Variants in FKBP3 observed in about 807,000 individuals in gnomAD.
The protein encoded by FKBP3 is FKBP prolyl isomerase 3, also known as peptidyl-prolyl cis-trans isomerase FKBP3.
Under a neutral mutation model 30.6 loss-of-function variants are expected in FKBP3, and 21 were observed. That is an observed-to-expected ratio of 0.69 (90% CI 0.49 to 0.99). The LOEUF is 0.99. Among genes scored for constraint, FKBP3 ranks in the 50% least tolerant of loss-of-function variants. The pLI, the probability that FKBP3 is intolerant of heterozygous loss-of-function variation, is 0.00. For synonymous variants in FKBP3, 82 were observed against 91.3 expected (o/e 0.90, Z 0.58); for missense variants, 283 against 261.6 (o/e 1.08, Z -0.56).
At chr14:45,117,523 A>AG (rs1884877222) in intron 6 of FKBP3, among the ~76,000 whole-genome samples, 1 of 152,072 alleles carries the variant, frequency 6.6e-6, no homozygotes, top group African/African-American at 2.4e-5. Context: ...ATCAGTGAGT[A>AG]TTGTCATTAG....
chr14:45,129,949 A>G, intron 2 of FKBP3, 48 bp from the exon 3 acceptor site: 1 of 1,161,312 alleles, frequency 8.6e-7, no homozygotes, highest in Non-Finnish European at 1.2e-6. Context: ...GCTAAAACCA[A>G]GAAGCAACAT....
intron 3 of FKBP3, among the ~76,000 whole-genome samples, chr14:45,127,856 C>T (rs943565883): frequency 3.3e-5 from 5 of 151,802 alleles, no homozygotes; most frequent in Non-Finnish European, 7.4e-5. Context: ...GGCCTTGCTT[C>T]GAATGCTTGA....
chr14:45,118,888 C>T (rs1884918208), intron 5 of FKBP3, among the ~76,000 whole-genome samples: 1 of 152,002 alleles, frequency 6.6e-6, no homozygotes, highest in Non-Finnish European at 1.5e-5. Flanking sequence ...TGGAGTTTCG[C>T]TCTTGTTGCC....
chr14:45,127,679 ACGGGG>A (rs1885131113), intron 3 of FKBP3, among the ~76,000 whole-genome samples: 1 of 152,134 alleles, frequency 6.6e-6, no homozygotes, highest in Non-Finnish European at 1.5e-5. Context: ...ACCATACTGA[ACGGGG>A]CAATTCTAGA....
intron 1 of FKBP3, 70 bp downstream of exon 1, chr14:45,134,279 T>C (rs976597992): frequency 1.4e-5 from 17 of 1,223,278 alleles, no homozygotes; most frequent in Non-Finnish European, 1.8e-5. Context: ...ATACGGAATG[T>C]ATGGGCATCT....
In FKBP3 at chr14:45,116,296, C is replaced by G. The variant is rs375258965; in HGVS notation, c.621-44G>C. ...TACATTTGATAAAAAGTGCCTCTCC[C>G]CTACCCCCATAACCTTAGTGTAGGA... On this transcript the variant is annotated intron_variant, in intron 6 of 6. Transcript: ENST00000396062. 56 of 1,431,452 alleles carry G rather than the reference C, an allele frequency of 3.9e-5. No individual in the cohort carries two copies. The African/African-American group carries it at 7.7e-4, about 20-fold the overall frequency. The allele number at this position is 1,431,452 out of a possible 1,614,324, so 88.7% of individuals were successfully genotyped here.
Position 45,129,849 on chromosome 14 carries a change from A to T in FKBP3, c.263T>A (p.Val88Glu), listed in dbSNP as rs772926463. Residue 88 changes from valine (V) to glutamate (E), a missense_variant, in exon 3 of 7, where the codon GTG (valine) becomes GAG (glutamate). By Grantham distance (121) the Val-to-Glu change is moderately radical. Coordinates refer to ENST00000396062, the MANE Select transcript of FKBP3 (RefSeq NM_002013.4). ...TTTGGGTTTATCTTCATTAAGCTTC[A>T]CATTTTTTACTTGCTCAGACACTTT... ...ISKVSEQVKN[V>E]KLNEDKPKET... The T allele has an allele frequency of 6.2e-7, 1 of 1,613,054 alleles. No homozygotes were observed.
chr14:45,120,954 C>G lies in FKBP3; in HGVS notation c.455G>C (p.Ser152Thr). 6.2e-7 allele frequency: 1 copy of G among 1,611,772 alleles called. No homozygotes were observed. Among genetic ancestry groups the G allele is most frequent in the East Asian group, 2.2e-5 (1 of 44,782 alleles). ...CTTGGCATTTTTCTTCTTCTTTGCACCTGTAAAACAGATTTTCCTTATCAT... is the reference window on the plus strand; with the variant it reads ...CTTGGCATTTTTCTTCTTCTTTGCAGCTGTAAAACAGATTTTCCTTATCAT... ...GTVFDTNIQT[S>T]AKKKKNAKPL... is the part of the protein sequence containing the mutation. The change falls in exon 5 of 7, where the codon AGT becomes ACT. Residue 152 changes from serine to threonine, a missense_variant and splice_region_variant. By Grantham distance (58) the Ser-to-Thr change is moderately conservative. Coordinates refer to ENST00000396062, the MANE Select transcript of FKBP3 (RefSeq NM_002013.4).
chr14:45,121,548 C>A lies in FKBP3; in HGVS notation c.391G>T (p.Val131Phe). 1 of 1,613,716 alleles carries A rather than the reference C, an allele frequency of 6.2e-7. No homozygotes were observed. Among genetic ancestry groups the A allele is most frequent in the Non-Finnish European group, 8.5e-7 (1 of 1,179,736 alleles). ...AGTGTTCCTGTATACCAGCAGTGAA[C>A]AACATCTCCCTTTTTGGGAAAGTTG... ...KTNFPKKGDV[V>F]HCWYTGTLQD... is the part of the protein sequence containing the mutation. The change falls in exon 4 of 7, where the codon GTT (valine) becomes TTT (phenylalanine). Residue 131 changes from valine to phenylalanine, a missense_variant. Physicochemically the swap from Val to Phe is conservative, Grantham distance 50. Coordinates refer to ENST00000396062, the MANE Select transcript of FKBP3 (RefSeq NM_002013.4).
chr14:45,119,394 T>C (rs1884930535), intron 5 of FKBP3, among the ~76,000 whole-genome samples: 1 of 151,962 alleles, frequency 6.6e-6, no homozygotes, highest in Admixed American at 6.6e-5. Flanking sequence ...ACCAACATGA[T>C]GAAACCCCAT....
At chr14:45,127,428 T>C (rs1203201936) in intron 3 of FKBP3, among the ~76,000 whole-genome samples, 1 of 152,032 alleles carries the variant, frequency 6.6e-6, no homozygotes. Context: ...CAACCGACCC[T>C]GTCTTAAAAA....
intron 6 of FKBP3, 27 bp from the exon 7 acceptor site, chr14:45,116,279 A>AT (rs1412495965): frequency 6.3e-7 from 1 of 1,587,888 alleles, no homozygotes; most frequent in East Asian, 2.2e-5. Context: ...GGTACATTTG[A>AT]TAAAAAGTGC....
At chr14:45,130,851 T>C (rs1182973079) in intron 1 of FKBP3, 51 bp from the exon 2 acceptor site, 2 of 1,067,752 alleles carry the variant, frequency 1.9e-6, no homozygotes, top group Non-Finnish European at 2.8e-6. Context: ...GAGTAAGAAG[T>C]GTCTAAAATT....
intron 6 of FKBP3, among the ~76,000 whole-genome samples, chr14:45,116,674 A>AG (rs1884847631): frequency 1.3e-5 from 2 of 151,804 alleles, no homozygotes; most frequent in Non-Finnish European, 2.9e-5. Context: ...TGGCCAACAC[A>AG]GTGAAACCCT....
intron 5 of FKBP3, among the ~76,000 whole-genome samples, 165 bp from the exon 6 acceptor site, chr14:45,118,290 C>A (rs748472704): frequency 6.6e-6 from 1 of 152,066 alleles, no homozygotes; most frequent in Non-Finnish European, 1.5e-5. Flanking sequence ...AAATCTTTGT[C>A]TTCCATTTCT....
intron 3 of FKBP3, among the ~76,000 whole-genome samples, chr14:45,124,147 A>G (rs996928323): frequency 2.6e-5 from 4 of 152,164 alleles, no homozygotes; most frequent in East Asian, 1.9e-4. Flanking sequence ...ATCTTAATCT[A>G]TCCCTCCCTG....
At position 45,118,023 on chromosome 14, in the gene FKBP3, G is replaced by T; in HGVS notation, c.620+5C>A. On this transcript the variant is annotated splice_donor_5th_base_variant and intron_variant, in intron 6 of 6. Transcript: ENST00000396062. Reference sequence around the variant, plus strand: ...ACTTTAATTATGAAGGGGAAAAAAGGATACTTGGCATCAGGCTGTCCTTTC... The same window carrying T: ...ACTTTAATTATGAAGGGGAAAAAAGTATACTTGGCATCAGGCTGTCCTTTC... 1.3e-6 allele frequency: 2 copies of T among 1,572,946 alleles called. No homozygotes were observed. The highest frequency in any genetic ancestry group is 8.6e-7 in the Non-Finnish European group (1 of 1,158,274).
chr14:45,133,134 C>T (rs967428610), intron 1 of FKBP3, among the ~76,000 whole-genome samples: 1 of 152,108 alleles, frequency 6.6e-6, no homozygotes, highest in African/African-American at 2.4e-5. Context: ...CTTCTATCTC[C>T]CTGTCATGAC....
intron 1 of FKBP3, among the ~76,000 whole-genome samples, chr14:45,132,163 T>C (rs1885230994): frequency 6.6e-6 from 1 of 152,234 alleles, no homozygotes; most frequent in African/African-American, 2.4e-5. Context: ...ATCACTATTG[T>C]ATTTTTTTCT....
Sources: gnomAD v4.1 joint callset for allele counts (sites outside exome capture counted in the v4.1 genomes callset) on GRCh38, gnomAD v4.1.1 for gene constraint, MANE v1.5 for transcripts, NCBI Gene and HGNC (gene_info 2026-07-23, HGNC 2026-07-21) for gene names.